CFAP77: variants seen among roughly 807,000 people sequenced by gnomAD.
CFAP77 encodes the protein cilia and flagella associated protein 77.
CFAP77 carries 25 observed loss-of-function variants against 31.1 expected under a neutral mutation model. The ratio of observed to expected loss-of-function variants is 0.80; its 90% CI spans 0.59 to 1.12. The LOEUF (loss-of-function observed/expected upper bound fraction) is 1.12. Among genes scored for constraint, CFAP77 ranks in the 50% most tolerant of loss-of-function variants. The probability of loss-of-function intolerance (pLI) is 0.00; values close to 1 mark genes in which losing one functional copy is unlikely to be tolerated. For missense variants in CFAP77, 377 were observed against 397.3 expected (o/e 0.95, Z 0.44); for synonymous variants, 151 against 159.9 (o/e 0.94, Z 0.42).
chr9:132,461,702 T>C (rs963874511), intron 1 of CFAP77, among the ~76,000 whole-genome samples: 1 of 152,088 alleles, frequency 6.6e-6, no homozygotes, highest in Non-Finnish European at 1.5e-5. Flanking sequence ...CCCTGGGCCC[T>C]TCCCAGGCCT....
intron 1 of CFAP77, among the ~76,000 whole-genome samples, chr9:132,443,963 C>T (rs933500826): frequency 2.6e-5 from 4 of 152,266 alleles, no homozygotes; most frequent in Non-Finnish European, 5.9e-5. Context: ...AGTTCACACG[C>T]CAGCCATTCC....
chr9:132,482,032 T>G (rs1851455904), intron 1 of CFAP77, among the ~76,000 whole-genome samples: 1 of 148,812 alleles, frequency 6.7e-6, no homozygotes, highest in Non-Finnish European at 1.5e-5. Context: ...AATGAATCTA[T>G]AAAGAAAATG....
rs1017859572 is a variant in CFAP77 at position 132,565,900 on chromosome 9, G to A, written c.733-6488G>A. On this transcript the variant is annotated intron_variant, in intron 5 of 5. Transcript: ENST00000393216. This position sits in a 1 kb window ranked among gnomAD's most constrained non-coding sequence, Gnocchi z 4.1. ...TCGCCCGGCTCCCAGGGCTGCTGGCGGCTGTGGCACTTGCCTCTTATTTAC... is the reference window on the plus strand; with the variant it reads ...TCGCCCGGCTCCCAGGGCTGCTGGCAGCTGTGGCACTTGCCTCTTATTTAC... Among the ~76,000 whole-genome samples the A allele has an allele frequency of 1.3e-5, 2 of 152,212 alleles. No individual in the cohort carries two copies. The highest frequency in any genetic ancestry group is 4.8e-5 in the African/African-American group (2 of 41,460).
intron 1 of CFAP77, among the ~76,000 whole-genome samples, chr9:132,474,294 G>T (rs184365377): frequency 6.6e-6 from 1 of 152,268 alleles, no homozygotes; most frequent in Admixed American, 6.5e-5. Flanking sequence ...TTGGCTTTCT[G>T]TTGGACAGTC....
rs976730880 is a variant in CFAP77 at position 132,572,288 on chromosome 9, A to G, written c.733-100A>G. ...CCTCCCTCTTACAGCTATTTTTATC[A>G]TTATTCTAAGATTGAAGCAGGGGGC... On this transcript the variant is annotated intron_variant, in intron 5 of 5. Transcript: ENST00000393216. 57 of 1,379,170 alleles carry G rather than the reference A, an allele frequency of 4.1e-5. No homozygotes were observed. In the African/African-American group the frequency reaches 4.5e-4, roughly 11 times the overall value. The allele number at this position is 1,379,170 out of a possible 1,614,324, so 85.4% of individuals were successfully genotyped here.
rs111275584 is a variant in CFAP77 at position 132,572,028 on chromosome 9, C to G, written c.733-360C>G. ...GGGAGTGCAGACAGGGTCAGGAGGTCCCCCTTGGAGAGGGTGGCTTGTTTG... is the reference window on the plus strand; with the variant it reads ...GGGAGTGCAGACAGGGTCAGGAGGTGCCCCTTGGAGAGGGTGGCTTGTTTG... On this transcript the variant is annotated intron_variant, in intron 5 of 5. Transcript: ENST00000393216. Among the ~76,000 whole-genome samples, 75 of 152,104 alleles carry G rather than the reference C, an allele frequency of 4.9e-4. 1 individual carries two copies. The highest frequency in any genetic ancestry group is 1.8e-3 in the African/African-American group (74 of 41,496).
intron 3 of CFAP77, among the ~76,000 whole-genome samples, chr9:132,524,015 T>G (rs1589905948): frequency 6.6e-6 from 1 of 152,202 alleles, no homozygotes; most frequent in East Asian, 2.0e-4. Context: ...TTTCTAATTT[T>G]TTTTAGAGAC....
chr9:132,561,706 G>A (rs1165799812), intron 5 of CFAP77, among the ~76,000 whole-genome samples: 1 of 149,248 alleles, frequency 6.7e-6, no homozygotes, highest in African/African-American at 2.5e-5. Context: ...CAACAGCAAG[G>A]CATAACAGTG....
chr9:132,440,924 T>A (rs569681338), intron 1 of CFAP77, among the ~76,000 whole-genome samples: 3 of 152,322 alleles, frequency 2.0e-5, no homozygotes, highest in Admixed American at 1.3e-4. Context: ...ACCTCCCACA[T>A]ACAGGACTTT....
Position 132,499,670 on chromosome 9 carries a change from T to A in CFAP77, c.524+70T>A. The A allele has an allele frequency of 2.8e-6, 4 of 1,425,536 alleles. No individual in the cohort carries two copies. The highest frequency in any genetic ancestry group is 2.3e-5 in the East Asian group (1 of 43,668). 88.3% of individuals were successfully genotyped at this position (1,425,536 alleles called of 1,614,324 possible). ...GGTACCAGCTCAATCAGGGACAAGGTCGGAGGGTGACAGGGAAGTGGAGCA... is the reference window on the plus strand; with the variant it reads ...GGTACCAGCTCAATCAGGGACAAGGACGGAGGGTGACAGGGAAGTGGAGCA... On this transcript the variant is annotated intron_variant, in intron 3 of 5. Coordinates refer to ENST00000393216, the MANE Select transcript of CFAP77 (RefSeq NM_001282957.2). The surrounding 1 kb of genome is among the most constrained non-coding windows in gnomAD (Gnocchi z 5.4).
chr9:132,537,455 G>A, intron 3 of CFAP77, 146 bp from the exon 4 acceptor site: 1 of 605,626 alleles, frequency 1.7e-6, no homozygotes. Flanking sequence ...TGGCTTTTGA[G>A]CGCTGGGAGA....
chr9:132,490,431 T>C lies in CFAP77; in HGVS notation c.196-8264T>C, dbSNP rs921070021. Among the ~76,000 whole-genome samples, 23 of 152,152 alleles carry C rather than the reference T, an allele frequency of 1.5e-4. No individual in the cohort carries two copies. The highest frequency in any genetic ancestry group is 5.6e-4 in the African/African-American group (23 of 41,434). Reference sequence around the variant, plus strand: ...TGAAAGTTCGGGGTCAGGAGCTCGTTTGAGTGCCTCTCCCTGTAGGTTCTT... The same window carrying C: ...TGAAAGTTCGGGGTCAGGAGCTCGTCTGAGTGCCTCTCCCTGTAGGTTCTT... On this transcript the variant is annotated intron_variant, in intron 1 of 5. Coordinates refer to ENST00000393216, the MANE Select transcript of CFAP77 (RefSeq NM_001282957.2). This position sits in a 1 kb window ranked among gnomAD's most constrained non-coding sequence, Gnocchi z 4.6.
At chr9:132,500,085 G>A (rs1177578336) in intron 3 of CFAP77, among the ~76,000 whole-genome samples, 2 of 151,564 alleles carry the variant, frequency 1.3e-5, no homozygotes, top group East Asian at 1.9e-4. Flanking sequence ...CCAGGAGGTC[G>A]AGGCTGCAGT....
intron 1 of CFAP77, among the ~76,000 whole-genome samples, chr9:132,429,119 G>C (rs1055581215): frequency 6.6e-6 from 1 of 151,838 alleles, no homozygotes; most frequent in Non-Finnish European, 1.5e-5. Context: ...CTAAATATTT[G>C]CCTGTGGATG....
At chr9:132,520,285 A>T (rs1439316807) in intron 3 of CFAP77, among the ~76,000 whole-genome samples, 1 of 152,158 alleles carries the variant, frequency 6.6e-6, no homozygotes, top group Non-Finnish European at 1.5e-5. Flanking sequence ...TCCAGACAAT[A>T]CAATGATCCA....
chr9:132,558,796 T>C (rs577877915), intron 5 of CFAP77, among the ~76,000 whole-genome samples: 2 of 151,322 alleles, frequency 1.3e-5, no homozygotes, highest in African/African-American at 2.4e-5. Flanking sequence ...GCAGATCACC[T>C]GAGGTCGGGA....
At chr9:132,434,839 C>T (rs1485363484) in intron 1 of CFAP77, among the ~76,000 whole-genome samples, 1 of 152,158 alleles carries the variant, frequency 6.6e-6, no homozygotes, top group Non-Finnish European at 1.5e-5. Flanking sequence ...ACTTTGAAAC[C>T]GTGATCCCTT....
intron 5 of CFAP77, among the ~76,000 whole-genome samples, chr9:132,559,160 CG>C (rs1279726060): frequency 6.6e-6 from 1 of 151,738 alleles, no homozygotes; most frequent in Non-Finnish European, 1.5e-5. Flanking sequence ...CTGGCTAACA[CG>C]GTGAAACCCG....
At chr9:132,438,379 T>G (rs1160894926) in intron 1 of CFAP77, among the ~76,000 whole-genome samples, 1 of 151,296 alleles carries the variant, frequency 6.6e-6, no homozygotes, top group African/African-American at 2.4e-5. Context: ...GGTGAGCTGA[T>G]AGAGACTGAT....
Sources: allele counts gnomAD v4.1 joint callset (sites outside exome capture counted in the v4.1 genomes callset), GRCh38; gene constraint gnomAD v4.1.1; non-coding constraint Gnocchi (gnomAD v3.1); transcripts MANE v1.5; gene names NCBI Gene and HGNC (gene_info 2026-07-23, HGNC 2026-07-21).